The following OR51B5 variants were observed in gnomAD, a reference collection of about 807,000 sequenced individuals.
OR51B5 encodes olfactory receptor family 51 subfamily B member 5, also known as olfactory receptor 51B5.
For missense variants in OR51B5, 456 were observed against 374.6 expected, an observed-to-expected ratio of 1.22 and a Z score of -1.79; for synonymous variants, 186 against 144.8, an observed-to-expected ratio of 1.28 and a Z score of -2.04.
intron 1 of OR51B5, among the ~76,000 whole-genome samples, chr11:5,464,675 T>C (rs1218777351): frequency 2.4e-4 from 36 of 152,134 alleles, no homozygotes; most frequent in Non-Finnish European, 2.9e-4. Flanking sequence ...TTTTCTTAAT[T>C]CAGTCTATCA....
chr11:5,421,594 A>C (rs1233377554), intron 1 of OR51B5, among the ~76,000 whole-genome samples: 1 of 152,226 alleles, frequency 6.6e-6, no homozygotes, highest in African/African-American at 2.4e-5. Context: ...ATAGAAATAA[A>C]ATCAATATCA....
intron 1 of OR51B5, chr11:5,505,388 T>G: frequency 7.7e-7 from 1 of 1,304,248 alleles, no homozygotes; most frequent in South Asian, 1.2e-5. Context: ...AAGACTTTCC[T>G]CTTCATTTCC....
At chr11:5,496,810 G>A (rs1021481902) in intron 1 of OR51B5, among the ~76,000 whole-genome samples, 4 of 152,192 alleles carry the variant, frequency 2.6e-5, no homozygotes, top group South Asian at 2.1e-4. Flanking sequence ...GTAGACGTAC[G>A]TGATGCTGCC....
At chr11:5,452,591 C>CGAGATATG (rs1850873476) in intron 1 of OR51B5, among the ~76,000 whole-genome samples, 1 of 141,560 alleles carries the variant, frequency 7.1e-6, no homozygotes, top group African/African-American at 2.6e-5. Context: ...AGCGACTTTA[C>CGAGATATG]GAGATATGGA....
At chr11:5,494,355 A>G (rs1190175227) in intron 1 of OR51B5, among the ~76,000 whole-genome samples, 1 of 152,074 alleles carries the variant, frequency 6.6e-6, no homozygotes, top group Non-Finnish European at 1.5e-5. Flanking sequence ...CAGTACCTGA[A>G]TGTCTCCTTC....
intron 1 of OR51B5, among the ~76,000 whole-genome samples, chr11:5,373,865 G>A (rs1398206523): frequency 6.6e-6 from 1 of 152,094 alleles, no homozygotes; most frequent in Non-Finnish European, 1.5e-5. Context: ...GCTCAAGGAG[G>A]CCTGCCTGCC....
At chr11:5,403,960 A>G (rs1385030754) in intron 1 of OR51B5, among the ~76,000 whole-genome samples, 1 of 152,022 alleles carries the variant, frequency 6.6e-6, no homozygotes, top group African/African-American at 2.4e-5. Context: ...TCTGAATTCA[A>G]TAGGAGAGAA....
At chr11:5,500,680 G>A (rs553806986) in intron 1 of OR51B5, among the ~76,000 whole-genome samples, 1 of 148,200 alleles carries the variant, frequency 6.7e-6, no homozygotes, top group Non-Finnish European at 1.5e-5. Flanking sequence ...CTGTAGTCAT[G>A]TCACTTCTAT....
intron 1 of OR51B5, among the ~76,000 whole-genome samples, chr11:5,428,187 A>T (rs537040373): frequency 6.6e-6 from 1 of 152,272 alleles, no homozygotes; most frequent in Non-Finnish European, 1.5e-5. Context: ...ATTAAATATC[A>T]ATCTGAATAT....
intron 1 of OR51B5, among the ~76,000 whole-genome samples, chr11:5,449,989 A>G (rs558624087): frequency 6.6e-6 from 1 of 152,254 alleles, no homozygotes; most frequent in African/African-American, 2.4e-5. Flanking sequence ...TTCTGCCCCC[A>G]TAACAGCACC....
chr11:5,472,194 T>C (rs1348066299), intron 1 of OR51B5, among the ~76,000 whole-genome samples: 6 of 152,144 alleles, frequency 3.9e-5, no homozygotes, highest in Non-Finnish European at 2.9e-5. Flanking sequence ...ATAGTGGCAG[T>C]TCAGGCACCA....
intron 1 of OR51B5, among the ~76,000 whole-genome samples, chr11:5,459,872 A>AC (rs1426936774): frequency 1.3e-5 from 2 of 152,214 alleles, no homozygotes; most frequent in Admixed American, 6.5e-5. Context: ...CATTAATCCT[A>AC]CTACTGGGTA....
intron 1 of OR51B5, among the ~76,000 whole-genome samples, chr11:5,386,029 A>G (rs544065707): frequency 6.6e-6 from 1 of 151,858 alleles, no homozygotes; most frequent in South Asian, 2.1e-4. Flanking sequence ...CATTACAGGT[A>G]CTACGTGAGA....
intron 1 of OR51B5, among the ~76,000 whole-genome samples, chr11:5,387,155 A>G (rs1485085577): frequency 2.6e-5 from 4 of 152,182 alleles, no homozygotes; most frequent in African/African-American, 4.8e-5. Flanking sequence ...TATTTGAGCA[A>G]TGGAAATAAG....
chr11:5,505,310 T>G, intron 1 of OR51B5: 1 of 1,302,030 alleles, frequency 7.7e-7, no homozygotes, highest in Non-Finnish European at 1.0e-6. Flanking sequence ...TGGGGTTCAA[T>G]GTATATCTTC....
chr11:5,483,365 G>A (rs1320618138), intron 1 of OR51B5, among the ~76,000 whole-genome samples: 1 of 102,390 alleles, frequency 9.8e-6, no homozygotes, highest in Non-Finnish European at 1.9e-5. Context: ...GATGGGGTGG[G>A]GGGAGGGGGG....
chr11:5,460,298 A>G (rs965826108), intron 1 of OR51B5, among the ~76,000 whole-genome samples: 1 of 152,182 alleles, frequency 6.6e-6, no homozygotes, highest in African/African-American at 2.4e-5. Context: ...GGTACTAGGC[A>G]TAGTACCTTG....
intron 1 of OR51B5, among the ~76,000 whole-genome samples, chr11:5,386,075 T>C (rs1381279171): frequency 6.6e-6 from 1 of 151,976 alleles, no homozygotes; most frequent in Admixed American, 6.6e-5. Context: ...CAGAAGGAAG[T>C]CAGGAGAGAT....
intron 1 of OR51B5, chr11:5,352,462 C>A: frequency 6.7e-7 from 1 of 1,495,246 alleles, no homozygotes; most frequent in South Asian, 1.2e-5. Context: ...TTTCACTGGT[C>A]TCTGAGGAAT....
Sources: gnomAD v4.1 joint callset for allele counts (sites outside exome capture counted in the v4.1 genomes callset) on GRCh38, gnomAD v4.1.1 for gene constraint, MANE v1.5 for transcripts, NCBI Gene and HGNC (gene_info 2026-07-23, HGNC 2026-07-21) for gene names.